Variants in RGS6 observed in about 807,000 individuals in gnomAD.
RGS6 encodes the protein regulator of G-protein signaling 6.
Under a neutral mutation model 78.5 loss-of-function variants are expected in RGS6, and 30 were observed. That is an observed-to-expected ratio of 0.38 (90% CI 0.29 to 0.52). The LOEUF is 0.52. RGS6 is among the 20% of genes least tolerant of loss of function. RGS6 has a pLI of 0.85. For synonymous variants in RGS6, 206 were observed against 206.0 expected (o/e 1.00, Z 0.00); for missense variants, 495 against 609.7 (o/e 0.81, Z 1.98).
chr14:72,237,669 C>T (rs184709173), intron 2 of RGS6, among the ~76,000 whole-genome samples: 1 of 152,134 alleles, frequency 6.6e-6, no homozygotes, highest in African/African-American at 2.4e-5. Context: ...CCCTTGACCC[C>T]TTTGCAGGAC....
chr14:72,267,075 C>A lies in RGS6; in HGVS notation c.85-85020C>A, dbSNP rs143761707. Among the ~76,000 whole-genome samples the A allele has an allele frequency of 4.5e-3, 689 of 152,242 alleles. 1 individual carries two copies. The highest frequency in any genetic ancestry group is 8.3e-3 in the South Asian group (40 of 4,810). On this transcript the variant is annotated intron_variant, in intron 2 of 17. Transcript: ENST00000553525. ...GGAATGCAGTGGTGCAATCTCAGCTCACTGCAACCTCTGCCTCACTAGTTC... is the reference window on the plus strand; with the variant it reads ...GGAATGCAGTGGTGCAATCTCAGCTAACTGCAACCTCTGCCTCACTAGTTC...
Position 72,162,128 on chromosome 14 carries a change from T to C in RGS6, c.85-189967T>C, listed in dbSNP as rs541975398. Among the ~76,000 whole-genome samples the C allele has an allele frequency of 3.9e-5, 6 of 152,330 alleles. No homozygotes were observed. The South Asian group carries it at 1.2e-3, about 32-fold the overall frequency. On this transcript the variant is annotated intron_variant, in intron 2 of 17. Transcript: ENST00000553525. ...ACATAGCCAATAATTTGCACTTGTT[T>C]GCATTTGACATTGCTCATTTACATT... is the stretch of plus-strand genomic sequence containing the variant.
At chr14:71,975,784 T>C (rs2094087871) in intron 2 of RGS6, among the ~76,000 whole-genome samples, 1 of 152,188 alleles carries the variant, frequency 6.6e-6, no homozygotes, top group South Asian at 2.1e-4. Flanking sequence ...ACCATTAACT[T>C]TTCAAATATT....
the RGS6 span, among the ~76,000 whole-genome samples, chr14:72,587,656 G>A: frequency 6.6e-6 from 1 of 152,176 alleles, no homozygotes. Flanking sequence ...ACTTAAGCCA[G>A]CAGCAAAGCC....
At chr14:71,896,564 G>A in the RGS6 span, among the ~76,000 whole-genome samples, 9 of 152,250 alleles carry the variant, frequency 5.9e-5, no homozygotes, top group East Asian at 7.7e-4. Context: ...TATCTCATCC[G>A]GTGACTTAGA....
At chr14:72,612,993 CGTGTGT>C in the RGS6 span, among the ~76,000 whole-genome samples, 41,987 of 148,822 alleles carry the variant, frequency 0.28, 7,073 homozygotes, top group East Asian at 0.64. Context: ...TTAAGTAGGG[CGTGTGT>C]GTGTGTGTGT....
intron 15 of RGS6, among the ~76,000 whole-genome samples, chr14:72,527,854 G>A (rs2097137321): frequency 6.6e-6 from 1 of 152,162 alleles, no homozygotes; most frequent in South Asian, 2.1e-4. Context: ...CCAAAGTCTG[G>A]ATGTGATTCT....
intron 3 of RGS6, among the ~76,000 whole-genome samples, chr14:72,416,586 C>T (rs1011197116): frequency 3.9e-5 from 6 of 152,110 alleles, no homozygotes; most frequent in Non-Finnish European, 8.8e-5. Context: ...GAGTTTCAGG[C>T]CTTTGGGCTG....
Position 72,562,509 on chromosome 14 carries a change from A to G in RGS6, c.*42A>G. The G allele has an allele frequency of 6.2e-7, 1 of 1,608,442 alleles. No homozygotes were observed. Among genetic ancestry groups the G allele is most frequent in the Non-Finnish European group, 8.5e-7 (1 of 1,179,722 alleles). On this transcript the variant is annotated 3_prime_UTR_variant, in exon 18 of 18. Transcript: ENST00000553525. ...TCCAGGGCCTGGGCCCGCGGACCCC[A>G]CAGGCAGGCGGCGGCGCTCCACATC...
At chr14:72,508,986 C>A (rs1567014328) in intron 13 of RGS6, among the ~76,000 whole-genome samples, 2 of 152,116 alleles carry the variant, frequency 1.3e-5, no homozygotes, top group African/African-American at 4.8e-5. Flanking sequence ...TCTTATCGCC[C>A]AACACCAGAA....
chr14:72,582,690 C>T, the RGS6 span, among the ~76,000 whole-genome samples: 1 of 152,068 alleles, frequency 6.6e-6, no homozygotes, highest in African/African-American at 2.4e-5. Context: ...TTATCACCGA[C>T]CCAAAGGACA....
intron 4 of RGS6, among the ~76,000 whole-genome samples, chr14:72,456,149 A>G (rs761592098): frequency 4.6e-5 from 7 of 152,230 alleles, no homozygotes; most frequent in Non-Finnish European, 1.0e-4. Flanking sequence ...GCTTCTGAGA[A>G]GTGGCTGAGG....
At chr14:72,059,056 T>C (rs990169210) in intron 2 of RGS6, among the ~76,000 whole-genome samples, 1 of 152,032 alleles carries the variant, frequency 6.6e-6, no homozygotes, top group African/African-American at 2.4e-5. Context: ...GGTGCCACCA[T>C]GCCTGGCTAA....
At chr14:72,485,174 G>A (rs2096465337) in intron 12 of RGS6, among the ~76,000 whole-genome samples, 1 of 152,066 alleles carries the variant, frequency 6.6e-6, no homozygotes, top group Non-Finnish European at 1.5e-5. Context: ...TGCTAAAATT[G>A]CTCATTGAGA....
At chr14:72,256,733 G>T (rs1217758841) in intron 2 of RGS6, among the ~76,000 whole-genome samples, 3 of 152,196 alleles carry the variant, frequency 2.0e-5, no homozygotes, top group African/African-American at 7.2e-5. Context: ...GAGTTAGCTT[G>T]GGAGGTTAGA....
intron 2 of RGS6, among the ~76,000 whole-genome samples, chr14:71,965,603 A>G (rs2093462385): frequency 6.6e-6 from 1 of 152,224 alleles, no homozygotes; most frequent in Non-Finnish European, 1.5e-5. Flanking sequence ...GATTTTGGGA[A>G]GAGAGGCTGG....
At chr14:72,053,005 CTT>C (rs1309053026) in intron 2 of RGS6, among the ~76,000 whole-genome samples, 233 of 100,130 alleles carry the variant, frequency 2.3e-3, no homozygotes, top group Non-Finnish European at 3.8e-3. Context: ...CTCTCTCTCT[CTT>C]TCTTTCCTTC....
intron 2 of RGS6, among the ~76,000 whole-genome samples, chr14:71,996,124 C>T (rs1044145989): frequency 6.6e-6 from 1 of 151,138 alleles, no homozygotes; most frequent in Non-Finnish European, 1.5e-5. Flanking sequence ...ACATGAAATC[C>T]AGGCAGCAAG....
At chr14:72,591,846 G>T in the RGS6 span, among the ~76,000 whole-genome samples, 1 of 152,114 alleles carries the variant, frequency 6.6e-6, no homozygotes, top group Non-Finnish European at 1.5e-5. Context: ...TCCTGTCCTG[G>T]CTAGCCTCAC....
Sources: gnomAD v4.1 joint callset for allele counts (sites outside exome capture counted in the v4.1 genomes callset) on GRCh38, gnomAD v4.1.1 for gene constraint, MANE v1.5 for transcripts, NCBI Gene and HGNC (gene_info 2026-07-23, HGNC 2026-07-21) for gene names.